Variants in SLC8A1 observed in about 807,000 individuals in gnomAD.
SLC8A1 encodes sodium/calcium exchanger 1.
A neutral mutation model predicts 68.3 loss-of-function variants in SLC8A1; 18 were observed. The ratio of observed to expected loss-of-function variants is 0.26; its 90% CI spans 0.18 to 0.39. The LOEUF is 0.39. SLC8A1 is among the 10% of genes least tolerant of loss of function. The pLI is 1.00. For synonymous variants in SLC8A1, 475 were observed against 415.5 expected (o/e 1.14, Z -1.74); for missense variants, 985 against 1,156.7 (o/e 0.85, Z 2.15).
At chr2:40,495,946 A>T (rs906774167) in intron 1 of SLC8A1, among the ~76,000 whole-genome samples, 1 of 152,080 alleles carries the variant, frequency 6.6e-6, no homozygotes, top group Admixed American at 6.6e-5. Flanking sequence ...GGCAACAAAA[A>T]ATTATCTATC....
intron 2 of SLC8A1, among the ~76,000 whole-genome samples, chr2:40,275,337 T>C (rs1306579704): frequency 6.6e-6 from 1 of 152,254 alleles, no homozygotes; most frequent in African/African-American, 2.4e-5. Flanking sequence ...GTTCTTAACT[T>C]ATCCTTAACT....
At chr2:40,157,566 G>A (rs956962588) in intron 6 of SLC8A1, among the ~76,000 whole-genome samples, 3 of 152,126 alleles carry the variant, frequency 2.0e-5, no homozygotes, top group Non-Finnish European at 4.4e-5. Flanking sequence ...TGACACACTT[G>A]TTTCCCTTGA....
At chr2:40,339,128 C>T (rs1666922804) in intron 2 of SLC8A1, among the ~76,000 whole-genome samples, 1 of 150,490 alleles carries the variant, frequency 6.6e-6, no homozygotes, top group South Asian at 2.1e-4. Flanking sequence ...CAAATACCCA[C>T]TACGCGCCTC....
chr2:40,163,502 T>A (rs1212171187), intron 5 of SLC8A1, among the ~76,000 whole-genome samples: 1 of 152,028 alleles, frequency 6.6e-6, no homozygotes, highest in Non-Finnish European at 1.5e-5. Context: ...TGAACACACA[T>A]GGAGAAAAGA....
At chr2:40,463,463 T>G (rs1703460798) in intron 1 of SLC8A1, among the ~76,000 whole-genome samples, 1 of 152,234 alleles carries the variant, frequency 6.6e-6, no homozygotes. Context: ...TTAGTTCCAC[T>G]ATAGAACAAT....
chr2:40,426,022 G>A (rs1008047756), intron 2 of SLC8A1, among the ~76,000 whole-genome samples: 1 of 151,846 alleles, frequency 6.6e-6, no homozygotes, highest in Admixed American at 6.6e-5. Context: ...TTGAATCTTG[G>A]TGCTTAATTT....
chr2:40,451,732 C>CATCACACACACACACACACA (rs1195159597), intron 1 of SLC8A1, among the ~76,000 whole-genome samples, 172 bp downstream of exon 1: 4 of 136,342 alleles, frequency 2.9e-5, no homozygotes, highest in African/African-American at 1.1e-4. Context: ...CGCGCACACA[C>CATCACACACACACACACACA]CACATCACAC....
chr2:40,484,071 A>G (rs763071126), intron 1 of SLC8A1, among the ~76,000 whole-genome samples: 4 of 152,248 alleles, frequency 2.6e-5, no homozygotes, highest in Non-Finnish European at 5.9e-5. Context: ...TAGAGAGGGT[A>G]TAACTGTGAC....
At chr2:40,157,619 C>T (rs756783782) in intron 6 of SLC8A1, among the ~76,000 whole-genome samples, 2 of 152,184 alleles carry the variant, frequency 1.3e-5, no homozygotes, top group Non-Finnish European at 2.9e-5. Flanking sequence ...ACTCACCATT[C>T]TGCCCTGGTA....
intron 1 of SLC8A1, among the ~76,000 whole-genome samples, chr2:40,451,027 T>G (rs1194984936): frequency 6.6e-6 from 1 of 152,172 alleles, no homozygotes; most frequent in Non-Finnish European, 1.5e-5. Context: ...GAATCAAGGA[T>G]GCACACGTAC....
chr2:40,459,695 G>A (rs796592982), intron 1 of SLC8A1, among the ~76,000 whole-genome samples: 3 of 152,316 alleles, frequency 2.0e-5, no homozygotes, highest in African/African-American at 7.2e-5. Flanking sequence ...AAGCTCTGGT[G>A]GGTGAACCTC....
At chr2:40,275,092 C>T (rs2066527941) in intron 2 of SLC8A1, among the ~76,000 whole-genome samples, 1 of 152,128 alleles carries the variant, frequency 6.6e-6, no homozygotes, top group African/African-American at 2.4e-5. Flanking sequence ...GTTAAATTTT[C>T]CTATTCAATT....
At chr2:40,303,514 T>C (rs1308705218) in intron 2 of SLC8A1, among the ~76,000 whole-genome samples, 2 of 152,176 alleles carry the variant, frequency 1.3e-5, no homozygotes, top group African/African-American at 4.8e-5. Flanking sequence ...TAACTTGACT[T>C]TGTCTTTCTT....
exon 8 of SLC8A1, chr2:40,100,425 T>G (rs2033826714): frequency 6.6e-6 from 1 of 151,992 alleles, no homozygotes; most frequent in African/African-American, 2.4e-5. Context: ...ACGGCAAAAG[T>G]TGGGAATGAG....
At chr2:40,366,845 C>T (rs768953506) in intron 2 of SLC8A1, among the ~76,000 whole-genome samples, 1 of 151,434 alleles carries the variant, frequency 6.6e-6, no homozygotes, top group Non-Finnish European at 1.5e-5. Context: ...TTTGCCATCG[C>T]CAAGAAATTT....
chr2:40,328,262 T>A (rs1157272481), intron 2 of SLC8A1, among the ~76,000 whole-genome samples: 3 of 152,200 alleles, frequency 2.0e-5, no homozygotes, highest in East Asian at 1.9e-4. Context: ...CTGGTCCACA[T>A]AGACTCCCCA....
intron 2 of SLC8A1, among the ~76,000 whole-genome samples, chr2:40,321,879 T>C (rs902634853): frequency 1.3e-5 from 2 of 152,126 alleles, no homozygotes; most frequent in Non-Finnish European, 2.9e-5. Flanking sequence ...TACTAGTATG[T>C]AAAGTATTTT....
chr2:40,193,073 G>T (rs368066798), intron 2 of SLC8A1, among the ~76,000 whole-genome samples: 12 of 152,254 alleles, frequency 7.9e-5, no homozygotes, highest in East Asian at 3.9e-4. Flanking sequence ...CTCACTGTCT[G>T]TACTTGAGTT....
At chr2:40,252,927 A>C (rs544119322) in intron 2 of SLC8A1, among the ~76,000 whole-genome samples, 19 of 119,590 alleles carry the variant, frequency 1.6e-4, no homozygotes, top group African/African-American at 7.0e-4. Context: ...ATATACATAC[A>C]TGTATATGTA....
Sources: gnomAD v4.1 joint callset for allele counts (sites outside exome capture counted in the v4.1 genomes callset) on GRCh38, gnomAD v4.1.1 for gene constraint, MANE v1.5 for transcripts, NCBI Gene and HGNC (gene_info 2026-07-23, HGNC 2026-07-21) for gene names.